The following ZNF536 variants were observed in gnomAD, a reference collection of about 807,000 sequenced individuals.
The protein encoded by ZNF536 is zinc finger protein 536.
ZNF536 carries 13 observed loss-of-function variants against 84.5 expected under a neutral mutation model. The observed-to-expected ratio is 0.15, with a 90% CI of 0.10 to 0.24. The LOEUF (loss-of-function observed/expected upper bound fraction) is 0.24, where lower values mean the gene tolerates loss of function less well. Among genes scored for constraint, ZNF536 ranks in the 10% least tolerant of loss-of-function variants. The probability of loss-of-function intolerance (pLI) is 1.00; values close to 1 mark genes in which losing one functional copy is unlikely to be tolerated. For synonymous variants in ZNF536, 811 were observed against 742.5 expected (o/e 1.09, Z -1.50); for missense variants, 1,536 against 1,747.5 (o/e 0.88, Z 2.16).
intron 1 of ZNF536, among the ~76,000 whole-genome samples, chr19:30,616,343 ATTGT>A (rs1448629723): frequency 6.6e-6 from 1 of 152,114 alleles, no homozygotes; most frequent in Non-Finnish European, 1.5e-5. Context: ...TATTTGGTTG[ATTGT>A]TTATTTGTTT....
At chr19:30,504,867 T>G (rs1181980637) in intron 2 of ZNF536, among the ~76,000 whole-genome samples, 1 of 151,954 alleles carries the variant, frequency 6.6e-6, no homozygotes, top group African/African-American at 2.4e-5. Context: ...TGTTATATGA[T>G]CCGCAAAATA....
At chr19:30,409,958 G>A (rs1390861765) in intron 1 of ZNF536, among the ~76,000 whole-genome samples, 3 of 151,930 alleles carry the variant, frequency 2.0e-5, no homozygotes, top group Non-Finnish European at 4.4e-5. Context: ...TTCCTTTTGG[G>A]TATTTGAATT....
At chr19:30,391,804 G>C (rs1458448908) in intron 1 of ZNF536, among the ~76,000 whole-genome samples, 3 of 152,136 alleles carry the variant, frequency 2.0e-5, no homozygotes, top group Non-Finnish European at 4.4e-5. Flanking sequence ...TGTTCTGATT[G>C]TAACTCCCAG....
At chr19:30,682,454 C>T (rs1039594360) in intron 1 of ZNF536, among the ~76,000 whole-genome samples, 12 of 152,132 alleles carry the variant, frequency 7.9e-5, no homozygotes, top group African/African-American at 2.2e-4. Flanking sequence ...CACGACCAGC[C>T]GCATCGAGAT....
At chr19:30,497,641 G>A (rs1028772608) in intron 2 of ZNF536, among the ~76,000 whole-genome samples, 2 of 152,184 alleles carry the variant, frequency 1.3e-5, no homozygotes, top group African/African-American at 2.4e-5. Context: ...GAAAGCAAGG[G>A]GGTGCCCCAG....
At chr19:30,552,229 G>A (rs112183446) in intron 4 of ZNF536, among the ~76,000 whole-genome samples, 1,654 of 152,162 alleles carry the variant, frequency 0.011, 35 homozygotes, top group African/African-American at 0.038. Context: ...TTCTAAATCC[G>A]CCTACCAGGC....
Position 30,544,053 on chromosome 19 carries a change from C to T in ZNF536, c.2324-3890C>T, listed in dbSNP as rs186045948. 7.9e-5 allele frequency among the ~76,000 whole-genome samples: 12 copies of T among 152,222 alleles called. No homozygotes were observed. In the East Asian group the frequency reaches 1.2e-3, roughly 15 times the overall value. ...AGGGGTGGTTCTTCCAATCATTTAG[C>T]GATTACGAGGAAATTAAAATTGAGC... is the stretch of plus-strand genomic sequence containing the variant. On this transcript the variant is annotated intron_variant, in intron 3 of 4. Coordinates refer to ENST00000355537, the MANE Select transcript of ZNF536 (RefSeq NM_014717.3).
chr19:30,382,810 C>T (rs770617924), intron 1 of ZNF536, among the ~76,000 whole-genome samples: 4 of 151,992 alleles, frequency 2.6e-5, no homozygotes, highest in Non-Finnish European at 4.4e-5. Context: ...GTGGGCGGCT[C>T]TGACTTCTGA....
chr19:30,473,061 C>T (rs939345803), intron 2 of ZNF536, among the ~76,000 whole-genome samples: 7 of 150,432 alleles, frequency 4.7e-5, no homozygotes, highest in Non-Finnish European at 8.9e-5. Context: ...AAAAAATTAG[C>T]CGGGCGTGGT....
At chr19:30,281,275 C>T (rs181641439) in intron 1 of ZNF536, among the ~76,000 whole-genome samples, 1 of 152,332 alleles carries the variant, frequency 6.6e-6, no homozygotes, top group Admixed American at 6.5e-5. Flanking sequence ...AGCCAGGGTC[C>T]ACCCAGGAAA....
chr19:30,599,608 C>T (rs2047610935), intron 1 of ZNF536, among the ~76,000 whole-genome samples: 1 of 151,870 alleles, frequency 6.6e-6, no homozygotes, highest in Non-Finnish European at 1.5e-5. Flanking sequence ...TTGAAATGGG[C>T]TGACCCAGCT....
intron 2 of ZNF536, among the ~76,000 whole-genome samples, chr19:30,449,618 TA>T (rs1191744131): frequency 2.6e-5 from 4 of 152,032 alleles, no homozygotes; most frequent in Non-Finnish European, 5.9e-5. Context: ...GGGAAGGGGG[TA>T]ATTGAATGCA....
At chr19:30,262,596 T>C (rs1427200322) in intron 1 of ZNF536, among the ~76,000 whole-genome samples, 1 of 152,172 alleles carries the variant, frequency 6.6e-6, no homozygotes, top group Non-Finnish European at 1.5e-5. Flanking sequence ...GGTTGGAGGC[T>C]TGGAGATGCA....
chr19:30,588,151 A>G (rs889845592), intron 1 of ZNF536, among the ~76,000 whole-genome samples: 7 of 152,214 alleles, frequency 4.6e-5, no homozygotes, highest in Admixed American at 3.3e-4. Flanking sequence ...TGGAGGTCAC[A>G]TTGTTAGGCG....
intron 2 of ZNF536, among the ~76,000 whole-genome samples, chr19:30,321,791 T>C (rs1336726143): frequency 6.6e-6 from 1 of 151,334 alleles, no homozygotes; most frequent in African/African-American, 2.4e-5. Context: ...CTTTTTTTTT[T>C]TTCTGAGACA....
chr19:30,527,829 G>C (rs1162296262), intron 2 of ZNF536, among the ~76,000 whole-genome samples: 1 of 152,146 alleles, frequency 6.6e-6, no homozygotes, highest in African/African-American at 2.4e-5. Context: ...CTTTCCCCAA[G>C]GTGTCGGTAT....
At chr19:30,428,535 T>G (rs1386597139) in intron 1 of ZNF536, among the ~76,000 whole-genome samples, 1 of 152,146 alleles carries the variant, frequency 6.6e-6, no homozygotes, top group Non-Finnish European at 1.5e-5. Flanking sequence ...GGCCACCCTG[T>G]GGGGACCACA....
chr19:30,701,504 AAAACTCACAAACACACAGACACAC>A (rs2051976123), intron 1 of ZNF536, among the ~76,000 whole-genome samples: 1 of 136,028 alleles, frequency 7.4e-6, no homozygotes, highest in Non-Finnish European at 1.6e-5. Flanking sequence ...CACAGACACA[AAAACTCACAAACACACAGACACAC>A]AAACACACAG....
intron 2 of ZNF536, among the ~76,000 whole-genome samples, chr19:30,513,546 CATTT>C (rs1378026413): frequency 3.3e-5 from 5 of 152,172 alleles, no homozygotes; most frequent in Non-Finnish European, 7.3e-5. Flanking sequence ...TTAAAAATAA[CATTT>C]ATTAAATGTC....
Sources: gnomAD v4.1 joint callset for allele counts (sites outside exome capture counted in the v4.1 genomes callset) on GRCh38, gnomAD v4.1.1 for gene constraint, MANE v1.5 for transcripts, NCBI Gene and HGNC (gene_info 2026-07-23, HGNC 2026-07-21) for gene names.